The following FILIP1L variants were observed in gnomAD, a reference collection of about 807,000 sequenced individuals.
FILIP1L encodes the protein filamin A-interacting protein 1-like.
FILIP1L carries 55 observed loss-of-function variants against 96.6 expected under a neutral mutation model. That is an observed-to-expected ratio of 0.57 (90% CI 0.46 to 0.71). The LOEUF is 0.71. Among genes scored for constraint, FILIP1L ranks in the 30% least tolerant of loss-of-function variants. FILIP1L has a pLI of 0.00. For synonymous variants in FILIP1L, 467 were observed against 473.9 expected (o/e 0.99, Z 0.19); for missense variants, 1,304 against 1,321.2 (o/e 0.99, Z 0.20).
chr3:99,850,873 T>A lies in FILIP1L; in HGVS notation c.803A>T (p.Lys268Met). 1 of 1,614,210 alleles carries A rather than the reference T, an allele frequency of 6.2e-7. No individual in the cohort carries two copies. The highest frequency in any genetic ancestry group is 8.5e-7 in the Non-Finnish European group (1 of 1,180,038). The change falls in exon 5 of 6, where the codon AAG (lysine) becomes ATG (methionine). Residue 268 changes from lysine (K) to methionine (M), a missense_variant. Coordinates refer to ENST00000477258, the MANE Select transcript of FILIP1L (RefSeq NM_001387850.1). The part of the protein sequence containing the change: ...QKIQELTTNA[K>M]ETHTKLALAE... Reference sequence around the variant, plus strand: ...AAGGGCTAGTTTGGTATGTGTTTCCTTTGCATTTGTGGTCAGCTCTTGGAT... The same window carrying A: ...AAGGGCTAGTTTGGTATGTGTTTCCATTGCATTTGTGGTCAGCTCTTGGAT...
At chr3:99,848,220 A>C in intron 5 of FILIP1L, 75 bp downstream of exon 5, 1 of 1,575,440 alleles carries the variant, frequency 6.3e-7, no homozygotes, top group Non-Finnish European at 8.6e-7. Context: ...TGATTAAAAA[A>C]GGATTGAGTT....
At chr3:99,965,167 T>A (rs890226160) in intron 1 of FILIP1L, among the ~76,000 whole-genome samples, 29 of 152,240 alleles carry the variant, frequency 1.9e-4, no homozygotes, top group African/African-American at 6.0e-4. Flanking sequence ...AGCATATCAC[T>A]TAGTCCCCAC....
At chr3:99,881,619 G>A (rs1016047522) in intron 4 of FILIP1L, among the ~76,000 whole-genome samples, 5 of 151,360 alleles carry the variant, frequency 3.3e-5, no homozygotes, top group South Asian at 4.2e-4. Flanking sequence ...TGCAACCTCC[G>A]ACTCCTGGGT....
chr3:99,916,437 TACACACACAC>T (rs10529210), intron 4 of FILIP1L, among the ~76,000 whole-genome samples: 16,087 of 137,072 alleles, frequency 0.12, 1,033 homozygotes, highest in East Asian at 0.17. Flanking sequence ...TAACGGTTTA[TACACACACAC>T]ACACACACAC....
intron 1 of FILIP1L, among the ~76,000 whole-genome samples, chr3:99,976,653 G>A (rs1229073509): frequency 1.3e-5 from 2 of 151,840 alleles, no homozygotes; most frequent in Non-Finnish European, 2.9e-5. Flanking sequence ...TTTTTAAACT[G>A]TTTACCTTCA....
intron 4 of FILIP1L, chr3:99,898,091 T>G (rs191397306): frequency 6.6e-6 from 1 of 152,240 alleles, no homozygotes; most frequent in South Asian, 2.1e-4. Context: ...ATCTAAGTTA[T>G]TAGACTCTCA....
chr3:100,085,238 T>C (rs909101875), intron 1 of FILIP1L, among the ~76,000 whole-genome samples: 4 of 152,214 alleles, frequency 2.6e-5, no homozygotes, highest in Non-Finnish European at 5.9e-5. Flanking sequence ...GAAGAGAACA[T>C]TAATATTTTA....
intron 4 of FILIP1L, among the ~76,000 whole-genome samples, chr3:99,884,092 G>GT (rs1193233828): frequency 2.0e-5 from 3 of 152,170 alleles, no homozygotes; most frequent in Admixed American, 1.3e-4. Context: ...AGATTATCTA[G>GT]TTAGCAGCCC....
chr3:99,999,617 G>A (rs1039867189), intron 1 of FILIP1L, among the ~76,000 whole-genome samples: 3 of 152,156 alleles, frequency 2.0e-5, no homozygotes, highest in South Asian at 2.1e-4. Flanking sequence ...AGAGGATCTC[G>A]GGATATAGGC....
intron 1 of FILIP1L, among the ~76,000 whole-genome samples, chr3:99,999,685 G>A (rs1709787067): frequency 6.6e-6 from 1 of 152,122 alleles, no homozygotes; most frequent in Admixed American, 6.5e-5. Context: ...ATGGTTCATT[G>A]CTTTATGATT....
At chr3:100,091,352 T>C (rs2066106311) in intron 1 of FILIP1L, among the ~76,000 whole-genome samples, 1 of 151,900 alleles carries the variant, frequency 6.6e-6, no homozygotes. Flanking sequence ...TATGTGTATG[T>C]ATGTTCACCT....
At chr3:100,063,542 C>CA (rs1328792919) in intron 1 of FILIP1L, among the ~76,000 whole-genome samples, 1 of 152,098 alleles carries the variant, frequency 6.6e-6, no homozygotes, top group Non-Finnish European at 1.5e-5. Flanking sequence ...CCTAAGCTTC[C>CA]ATCCCACCCT....
chr3:100,037,443 A>T (rs1326248533), intron 1 of FILIP1L, among the ~76,000 whole-genome samples: 1 of 152,130 alleles, frequency 6.6e-6, no homozygotes, highest in South Asian at 2.1e-4. Context: ...ATTAAAACAA[A>T]GCAAACAGAC....
chr3:99,933,832 A>G (rs1707570338), intron 1 of FILIP1L, among the ~76,000 whole-genome samples: 1 of 152,168 alleles, frequency 6.6e-6, no homozygotes. Flanking sequence ...CATTAGGGTG[A>G]CTGGCTTGCT....
intron 1 of FILIP1L, among the ~76,000 whole-genome samples, chr3:100,017,455 A>G (rs896363862): frequency 6.6e-6 from 1 of 152,230 alleles, no homozygotes; most frequent in African/African-American, 2.4e-5. Context: ...CTCTTTAACC[A>G]TCTGTCCTAT....
chr3:99,898,098 C>G (rs1424216246), intron 4 of FILIP1L: 1 of 151,996 alleles, frequency 6.6e-6, no homozygotes, highest in Non-Finnish European at 1.5e-5. Context: ...TTATTAGACT[C>G]TCAAGGAAAC....
At chr3:99,885,736 T>C (rs772756577) in intron 4 of FILIP1L, among the ~76,000 whole-genome samples, 8 of 152,290 alleles carry the variant, frequency 5.3e-5, no homozygotes, top group Non-Finnish European at 1.0e-4. Context: ...TCTTTCTCCC[T>C]TCTTCTTCCC....
intron 1 of FILIP1L, among the ~76,000 whole-genome samples, chr3:100,051,563 G>A (rs2065373923): frequency 7.6e-6 from 1 of 131,266 alleles, no homozygotes. Context: ...ATGTCCATGT[G>A]TTCTCATTGT....
chr3:100,045,562 G>T lies in FILIP1L; in HGVS notation c.-11+68491C>A, dbSNP rs186807972. Reference sequence around the variant, plus strand: ...ATAATTCTCCCCCTGAAAAATCAGGGGACTTCATTTATCTTAAATGGGACA... The same window carrying T: ...ATAATTCTCCCCCTGAAAAATCAGGTGACTTCATTTATCTTAAATGGGACA... On this transcript the variant is annotated intron_variant, in intron 1 of 5. Coordinates refer to ENST00000477258, the MANE Select transcript of FILIP1L (RefSeq NM_001387850.1). 3.9e-5 allele frequency among the ~76,000 whole-genome samples: 6 copies of T among 151,916 alleles called. No individual in the cohort carries two copies. In the East Asian group the frequency reaches 1.2e-3, roughly 29 times the overall value.
Sources: gnomAD v4.1 joint callset for allele counts (sites outside exome capture counted in the v4.1 genomes callset) on GRCh38, gnomAD v4.1.1 for gene constraint, MANE v1.5 for transcripts, NCBI Gene and HGNC (gene_info 2026-07-23, HGNC 2026-07-21) for gene names.